RBM6: variants seen among roughly 807,000 people sequenced by gnomAD.
The protein encoded by RBM6 is RNA-binding protein 6.
Under a neutral mutation model 140.4 loss-of-function variants are expected in RBM6, and 23 were observed. The observed-to-expected ratio is 0.16, with a 90% CI of 0.12 to 0.23. The LOEUF (loss-of-function observed/expected upper bound fraction) is 0.23. Among genes scored for constraint, RBM6 ranks in the 10% least tolerant of loss-of-function variants. The pLI is 1.00. For missense variants in RBM6, 1,139 were observed against 1,386.7 expected (o/e 0.82, Z 2.84); for synonymous variants, 439 against 475.6 (o/e 0.92, Z 1.00).
chr3:50,060,206 C>T (rs1213903807), intron 11 of RBM6, among the ~76,000 whole-genome samples: 1 of 152,174 alleles, frequency 6.6e-6, no homozygotes, highest in Non-Finnish European at 1.5e-5. Context: ...AGACACATGT[C>T]AATACATTCT....
chr3:50,035,044 CTCCCCTA>C (rs1559613144), intron 6 of RBM6, among the ~76,000 whole-genome samples: 18 of 144,656 alleles, frequency 1.2e-4, no homozygotes, highest in Non-Finnish European at 2.1e-4. Flanking sequence ...CTCCCCTCTC[CTCCCCTA>C]CTCCCCTCTC....
At chr3:49,956,328 C>CG in intron 1 of RBM6, among the ~76,000 whole-genome samples, 12 of 72,050 alleles carry the variant, frequency 1.7e-4, no homozygotes, top group South Asian at 9.2e-4. Flanking sequence ...CCCTCCCCCG[C>CG]TTTTTTTTTT....
At position 50,070,656 on chromosome 3, in the gene RBM6, T is replaced by C. The variant is rs2090272178; in HGVS notation, c.3116+104T>C. The stretch of plus-strand genomic sequence containing the variant: ...TTTCTGTCTCAGGGAGATGATATTA[T>C]GAGTAGATTCTGTCTGAACTGCTAA... On this transcript the variant is annotated intron_variant, in intron 19 of 20. Coordinates refer to ENST00000266022, the MANE Select transcript of RBM6 (RefSeq NM_005777.3). 3 of 823,536 alleles carry C rather than the reference T, an allele frequency of 3.6e-6. 1 individual carries two copies. The highest frequency in any genetic ancestry group is 2.9e-5 in the South Asian group (2 of 67,848). The allele number at this position is 823,536 out of a possible 1,614,324, so 51.0% of individuals were successfully genotyped here.
intron 6 of RBM6, among the ~76,000 whole-genome samples, chr3:50,037,833 T>C (rs1045419264): frequency 6.6e-6 from 1 of 150,672 alleles, no homozygotes. Flanking sequence ...TTTTTTTTTT[T>C]TTTTTGAGAC....
intron 15 of RBM6, among the ~76,000 whole-genome samples, chr3:50,062,362 C>T (rs915507081): frequency 7.2e-5 from 11 of 151,830 alleles, no homozygotes; most frequent in African/African-American, 2.7e-4. Flanking sequence ...AAATTAGCTG[C>T]GTGTGGTGGT....
At chr3:50,039,684 T>G (rs2088766244) in intron 6 of RBM6, among the ~76,000 whole-genome samples, 1 of 152,144 alleles carries the variant, frequency 6.6e-6, no homozygotes, top group African/African-American at 2.4e-5. Context: ...AGTGGTTCAG[T>G]TTTTCAGTTG....
chr3:50,067,771 T>C (rs1015057025), intron 17 of RBM6, among the ~76,000 whole-genome samples: 9 of 152,188 alleles, frequency 5.9e-5, no homozygotes, highest in Non-Finnish European at 1.3e-4. Context: ...CCTTCTCTAG[T>C]AGATGTTGCA....
chr3:49,957,711 A>T (rs2108604033), intron 1 of RBM6, among the ~76,000 whole-genome samples: 1 of 152,230 alleles, frequency 6.6e-6, no homozygotes, highest in African/African-American at 2.4e-5. Flanking sequence ...TAGATTAATA[A>T]TTTTTTATGC....
At chr3:49,971,645 C>A (rs2084799521) in intron 3 of RBM6, among the ~76,000 whole-genome samples, 1 of 152,010 alleles carries the variant, frequency 6.6e-6, no homozygotes, top group South Asian at 2.1e-4. Flanking sequence ...TCAAGTGATT[C>A]TTCCGCCTCA....
At chr3:50,043,487 CA>C (rs11434039) in intron 6 of RBM6, among the ~76,000 whole-genome samples, 59 of 141,246 alleles carry the variant, frequency 4.2e-4, no homozygotes, top group Non-Finnish European at 4.0e-4. Flanking sequence ...GACCCTGTCT[CA>C]AAAAAAAAAA....
At position 50,066,260 on chromosome 3, in the gene RBM6, C is replaced by T. The variant is rs1373602398; in HGVS notation, c.2701C>T (p.Leu901=). 3 of 1,613,936 alleles carry T rather than the reference C, an allele frequency of 1.9e-6. No homozygotes were observed. The highest frequency in any genetic ancestry group is 2.5e-6 in the Non-Finnish European group (3 of 1,179,950). ...CTTCCAGCCTAAAGTGGTAAACCCA[C>T]TGATCGGCCTCTTGGGTGAATATGG... ...SPPPPKVVNP[L]IGLLGEYGGD... is the part of the protein sequence containing the mutation. Residue 901 remains leucine (L), a synonymous_variant, in exon 17 of 21, where the codon CTG becomes TTG. Coordinates refer to ENST00000266022, the MANE Select transcript of RBM6 (RefSeq NM_005777.3).
chr3:49,951,292 A>AC (rs1290398456), intron 1 of RBM6, among the ~76,000 whole-genome samples: 1 of 152,048 alleles, frequency 6.6e-6, no homozygotes, highest in Non-Finnish European at 1.5e-5. Flanking sequence ...GGCTCACTGC[A>AC]ACCTCTGCCT....
chr3:50,066,653 C>T, intron 17 of RBM6, 151 bp downstream of exon 17: 1 of 1,038,246 alleles, frequency 9.6e-7, no homozygotes, highest in East Asian at 2.5e-5. Flanking sequence ...CATGGTGAAA[C>T]CCCCTTTGTA....
intron 6 of RBM6, among the ~76,000 whole-genome samples, chr3:50,002,337 T>G (rs1458779669): frequency 1.3e-5 from 2 of 151,382 alleles, no homozygotes; most frequent in African/African-American, 4.9e-5. Flanking sequence ...TCTCAGCTCA[T>G]TGCAACCTCT....
intron 6 of RBM6, among the ~76,000 whole-genome samples, chr3:50,026,649 G>T (rs192842418): frequency 6.8e-6 from 1 of 147,352 alleles, no homozygotes; most frequent in Non-Finnish European, 1.5e-5. Flanking sequence ...AAAAAAAAAA[G>T]AAAAAAAAAT....
chr3:50,010,197 G>A (rs2086776740), intron 6 of RBM6, among the ~76,000 whole-genome samples: 1 of 152,138 alleles, frequency 6.6e-6, no homozygotes, highest in Non-Finnish European at 1.5e-5. Context: ...AGAATAATTA[G>A]TTTTAATCTC....
chr3:49,965,108 G>A lies in RBM6; in HGVS notation c.45-2362G>A, dbSNP rs79149734. ...TATTAGTAGAATGGTTTCTTGATTC[G>A]TCTGTATAAAATACAAATCTAAGAA... is the stretch of plus-strand genomic sequence containing the variant. On this transcript the variant is annotated intron_variant, in intron 2 of 20. Transcript: ENST00000266022. 6.5e-3 allele frequency among the ~76,000 whole-genome samples: 986 copies of A among 152,002 alleles called. 4 individuals are homozygous for A. Among genetic ancestry groups the A allele is most frequent in the Non-Finnish European group, 0.01 (701 of 67,968 alleles).
intron 19 of RBM6, among the ~76,000 whole-genome samples, chr3:50,074,253 T>A (rs2090392814): frequency 6.6e-6 from 1 of 152,224 alleles, no homozygotes. Flanking sequence ...CCAATTCAGA[T>A]GTATCTTCCT....
chr3:50,042,320 A>G (rs1247687748), intron 6 of RBM6, among the ~76,000 whole-genome samples: 1 of 152,178 alleles, frequency 6.6e-6, no homozygotes, highest in African/African-American at 2.4e-5. Flanking sequence ...CACAGCAATC[A>G]TTTTCTCAGT....
Sources: gnomAD v4.1 joint callset for allele counts (sites outside exome capture counted in the v4.1 genomes callset) on GRCh38, gnomAD v4.1.1 for gene constraint, MANE v1.5 for transcripts, NCBI Gene and HGNC (gene_info 2026-07-23, HGNC 2026-07-21) for gene names.